The following ZNF521 variants were observed in gnomAD, a reference collection of about 807,000 sequenced individuals.
The protein encoded by ZNF521 is LYST-interacting protein 3.
A neutral mutation model predicts 105.5 loss-of-function variants in ZNF521; 14 were observed. The ratio of observed to expected loss-of-function variants is 0.13; its 90% confidence interval spans 0.09 to 0.21. The LOEUF is 0.21. ZNF521 is among the 10% of genes least tolerant of loss of function. The pLI, the probability that ZNF521 is intolerant of heterozygous loss-of-function variation, is 1.00. For missense variants in ZNF521, 1,233 were observed against 1,629.7 expected (o/e 0.76, Z 4.19); for synonymous variants, 635 against 606.0 (o/e 1.05, Z -0.70).
chr18:25,172,917 A>G (rs1254775977), intron 5 of ZNF521, among the ~76,000 whole-genome samples: 1 of 152,212 alleles, frequency 6.6e-6, no homozygotes, highest in Non-Finnish European at 1.5e-5. Context: ...ATTCTCTACT[A>G]TTAGGCAGAT....
chr18:25,267,296 AC>A (rs1909336931), intron 3 of ZNF521, among the ~76,000 whole-genome samples: 1 of 151,512 alleles, frequency 6.6e-6, no homozygotes, highest in Non-Finnish European at 1.5e-5. Context: ...TATAGATAAA[AC>A]CCCCATCTCC....
In ZNF521 at chr18:25,352,020, C is replaced by T. The variant is rs772449457; in HGVS notation, c.-17G>A. The T allele has an allele frequency of 4.2e-6, 2 of 473,340 alleles. No homozygotes were observed. The highest frequency in any genetic ancestry group is 3.0e-5 in the South Asian group (2 of 65,910). The allele number at this position is 473,340 out of a possible 1,614,324, so 29.3% of individuals were successfully genotyped here. A position where few individuals can be genotyped will look rare whatever the true frequency, so the allele number is the denominator to read the frequency against. ...CATCACAAACCTGCAAGGTCTTGGA[C>T]TGCGCTGTCGCTCCGGTAGTCCACA... is the stretch of plus-strand genomic sequence containing the variant. On this transcript the variant is annotated 5_prime_UTR_variant, in exon 1 of 8. Transcript: ENST00000361524.
intron 5 of ZNF521, among the ~76,000 whole-genome samples, chr18:25,191,631 T>C (rs1017219567): frequency 6.6e-6 from 1 of 152,294 alleles, no homozygotes; most frequent in East Asian, 1.9e-4. Context: ...GGTCAAGAAT[T>C]ATCAGAGTGA....
intron 5 of ZNF521, among the ~76,000 whole-genome samples, chr18:25,179,347 G>C (rs763688660): frequency 1.3e-5 from 2 of 150,912 alleles, no homozygotes; most frequent in Non-Finnish European, 3.0e-5. Flanking sequence ...ATGGGGTTTC[G>C]CTCTTATGCC....
chr18:25,082,543 A>T (rs2033518606), intron 7 of ZNF521: 1 of 450,744 alleles, frequency 2.2e-6, no homozygotes. Context: ...GGGGATAATA[A>T]AAGAAATTTT....
intron 4 of ZNF521, among the ~76,000 whole-genome samples, chr18:25,196,629 T>C (rs2035906371): frequency 6.6e-6 from 1 of 151,756 alleles, no homozygotes; most frequent in South Asian, 2.1e-4. Context: ...TATTGCGAAC[T>C]GAATGTGCTG....
intron 2 of ZNF521, among the ~76,000 whole-genome samples, chr18:25,340,030 C>T (rs1005029395): frequency 6.6e-6 from 1 of 152,136 alleles, no homozygotes; most frequent in Non-Finnish European, 1.5e-5. Context: ...TTGAAGGTGG[C>T]TAGTCAAACT....
intron 5 of ZNF521, among the ~76,000 whole-genome samples, chr18:25,153,523 G>A (rs561328855): frequency 2.6e-5 from 4 of 152,226 alleles, no homozygotes; most frequent in East Asian, 1.9e-4. Flanking sequence ...TTGCTGAAAC[G>A]GCCTGTCTAC....
chr18:25,229,917 T>C (rs773781079), intron 3 of ZNF521, among the ~76,000 whole-genome samples: 2 of 152,218 alleles, frequency 1.3e-5, no homozygotes, highest in Non-Finnish European at 2.9e-5. Flanking sequence ...AGGTATGATA[T>C]ATTTTTTACA....
chr18:25,332,071 T>C (rs573783041), intron 2 of ZNF521, among the ~76,000 whole-genome samples: 2 of 117,698 alleles, frequency 1.7e-5, no homozygotes, highest in African/African-American at 5.9e-5. Context: ...GTTGGGTTTT[T>C]TCTTTCTTTT....
intron 5 of ZNF521, among the ~76,000 whole-genome samples, chr18:25,120,522 G>A (rs927306892): frequency 3.3e-5 from 5 of 150,904 alleles, no homozygotes; most frequent in African/African-American, 1.2e-4. Context: ...AGCAGAGGTT[G>A]CATTGAGCTG....
intron 7 of ZNF521, among the ~76,000 whole-genome samples, chr18:25,067,180 G>C (rs140121623): frequency 0.013 from 2,025 of 152,176 alleles, 16 homozygotes; most frequent in South Asian, 0.021. Flanking sequence ...TTTTACACGA[G>C]GGGGGTTTGT....
At chr18:25,181,326 A>C (rs2035627907) in intron 5 of ZNF521, among the ~76,000 whole-genome samples, 4 of 152,214 alleles carry the variant, frequency 2.6e-5, no homozygotes, top group Admixed American at 2.6e-4. Flanking sequence ...GCAATGCCAG[A>C]CAGCCTGATA....
At chr18:25,134,603 G>A (rs2034699457) in intron 5 of ZNF521, among the ~76,000 whole-genome samples, 1 of 152,134 alleles carries the variant, frequency 6.6e-6, no homozygotes, top group Non-Finnish European at 1.5e-5. Flanking sequence ...CAAGGAATTG[G>A]GGGTGATGTG....
At chr18:25,098,802 T>A (rs1019638202) in intron 5 of ZNF521, among the ~76,000 whole-genome samples, 3 of 152,170 alleles carry the variant, frequency 2.0e-5, no homozygotes, top group Admixed American at 1.3e-4. Context: ...GAGAGTACAT[T>A]TTTTCTTTCA....
chr18:25,220,929 A>G (rs1279333117), intron 4 of ZNF521, among the ~76,000 whole-genome samples: 10 of 152,200 alleles, frequency 6.6e-5, no homozygotes, highest in Admixed American at 5.2e-4. Context: ...GTAAATGTCA[A>G]TAACTGCAAG....
chr18:25,221,754 A>G (rs185200922), intron 4 of ZNF521, among the ~76,000 whole-genome samples: 27 of 152,322 alleles, frequency 1.8e-4, no homozygotes, highest in Admixed American at 1.8e-3. Context: ...TCTGGAAAAA[A>G]TGCACAAACT....
chr18:25,137,747 C>G (rs2034763561), intron 5 of ZNF521, among the ~76,000 whole-genome samples: 1 of 152,158 alleles, frequency 6.6e-6, no homozygotes, highest in Non-Finnish European at 1.5e-5. Flanking sequence ...AGAACTGGGA[C>G]AGACATCGAG....
intron 3 of ZNF521, among the ~76,000 whole-genome samples, chr18:25,309,276 C>T (rs1035807537): frequency 3.3e-5 from 5 of 152,124 alleles, no homozygotes; most frequent in African/African-American, 1.2e-4. Context: ...TTTCTGCAGG[C>T]CACAGAAGGT....
Sources: gnomAD v4.1 joint callset for allele counts (sites outside exome capture counted in the v4.1 genomes callset) on GRCh38, gnomAD v4.1.1 for gene constraint, MANE v1.5 for transcripts, NCBI Gene and HGNC (gene_info 2026-07-23, HGNC 2026-07-21) for gene names.